Variants in KCNN2 observed in about 807,000 individuals in gnomAD.
KCNN2 encodes small conductance calcium-activated potassium channel protein 2.
Under a neutral mutation model 55.5 loss-of-function variants are expected in KCNN2, and 24 were observed. The ratio of observed to expected loss-of-function variants is 0.43; its 90% CI spans 0.31 to 0.61. KCNN2 has a LOEUF of 0.61. Ranked by LOEUF, KCNN2 falls within the 20% of genes least tolerant of loss-of-function variation. KCNN2 has a pLI of 0.08. For synonymous variants in KCNN2, 431 were observed against 336.1 expected (o/e 1.28, Z -3.09); for missense variants, 754 against 853.6 (o/e 0.88, Z 1.45).
chr5:114,392,709 G>A (rs1232100638), intron 2 of KCNN2, among the ~76,000 whole-genome samples: 1 of 151,920 alleles, frequency 6.6e-6, no homozygotes, highest in Non-Finnish European at 1.5e-5. Flanking sequence ...TCTGTGATGG[G>A]CACCTGTAGT....
At chr5:114,470,976 A>G (rs1761706128) in intron 4 of KCNN2, among the ~76,000 whole-genome samples, 1 of 152,188 alleles carries the variant, frequency 6.6e-6, no homozygotes, top group South Asian at 2.1e-4. Flanking sequence ...AAGGTTAAAA[A>G]CTACCAATTT....
intron 3 of KCNN2, among the ~76,000 whole-genome samples, chr5:114,418,093 C>T (rs1759362191): frequency 6.6e-6 from 1 of 152,030 alleles, no homozygotes; most frequent in Non-Finnish European, 1.5e-5. Context: ...TGAAATTTAA[C>T]CCTACAAAGG....
At chr5:114,455,712 A>G (rs1025766844) in intron 3 of KCNN2, among the ~76,000 whole-genome samples, 2 of 152,264 alleles carry the variant, frequency 1.3e-5, no homozygotes, top group African/African-American at 2.4e-5. Flanking sequence ...GTTGAAGGAA[A>G]TTAAAAGTGC....
At chr5:114,326,551 A>T (rs1018479476) in intron 2 of KCNN2, among the ~76,000 whole-genome samples, 2 of 152,112 alleles carry the variant, frequency 1.3e-5, no homozygotes, top group Non-Finnish European at 2.9e-5. Flanking sequence ...GTGCCTCTAG[A>T]AAACTGCTTC....
chr5:114,072,487 T>G (rs573418412), intron 1 of KCNN2, among the ~76,000 whole-genome samples: 48 of 152,250 alleles, frequency 3.2e-4, no homozygotes, highest in African/African-American at 1.2e-3. Context: ...TATTAGCATA[T>G]AATTAATTTA....
intron 2 of KCNN2, among the ~76,000 whole-genome samples, chr5:114,272,357 C>CACACACATATATGTATGTA (rs1561549029): frequency 3.4e-5 from 1 of 29,410 alleles, no homozygotes; most frequent in Non-Finnish European, 1.2e-4. Flanking sequence ...TATGTACATA[C>CACACACATATATGTATGTA]CATATACACA....
chr5:114,236,889 A>T (rs4705642), intron 2 of KCNN2, among the ~76,000 whole-genome samples: 59,241 of 151,900 alleles, frequency 0.39, 12,127 homozygotes, highest in Middle Eastern at 0.53. Context: ...TTAATTTTTC[A>T]TAGTACTTAG....
intron 1 of KCNN2, among the ~76,000 whole-genome samples, chr5:114,070,682 T>A (rs1750549890): frequency 6.6e-6 from 1 of 152,128 alleles, no homozygotes; most frequent in African/African-American, 2.4e-5. Context: ...GAGACAAAGG[T>A]TTAAGCCCTA....
At chr5:114,442,276 C>T (rs1760246538) in intron 3 of KCNN2, among the ~76,000 whole-genome samples, 1 of 148,812 alleles carries the variant, frequency 6.7e-6, no homozygotes, top group Non-Finnish European at 1.5e-5. Context: ...CATATATTTA[C>T]TGTATATATA....
intron 2 of KCNN2, among the ~76,000 whole-genome samples, chr5:114,295,171 G>C (rs1398179802): frequency 1.3e-5 from 2 of 152,230 alleles, no homozygotes; most frequent in Non-Finnish European, 2.9e-5. Flanking sequence ...TGAGGAGGCA[G>C]TCTGCCCATT....
intron 1 of KCNN2, among the ~76,000 whole-genome samples, chr5:114,147,276 G>T (rs1371758974): frequency 7.1e-6 from 1 of 140,152 alleles, no homozygotes; most frequent in Non-Finnish European, 1.5e-5. Context: ...ATTATCAATA[G>T]TGCCAGTGAA....
intron 2 of KCNN2, among the ~76,000 whole-genome samples, chr5:114,260,353 G>T (rs1580669457): frequency 6.6e-6 from 1 of 152,156 alleles, no homozygotes. Flanking sequence ...TCTTTAAATT[G>T]CTCTATACCT....
intron 1 of KCNN2, among the ~76,000 whole-genome samples, chr5:114,190,416 A>T (rs1308063241): frequency 6.6e-6 from 1 of 152,178 alleles, no homozygotes; most frequent in East Asian, 1.9e-4. Context: ...TACCTGACTC[A>T]GCGTAGATAT....
At chr5:114,095,854 T>C (rs890174771) in intron 1 of KCNN2, among the ~76,000 whole-genome samples, 1 of 152,164 alleles carries the variant, frequency 6.6e-6, no homozygotes, top group Admixed American at 6.5e-5. Context: ...ACCTGCTGTA[T>C]CCTTTGTACA....
chr5:114,490,301 C>T (rs920735749), intron 6 of KCNN2, among the ~76,000 whole-genome samples: 2 of 152,076 alleles, frequency 1.3e-5, no homozygotes, highest in South Asian at 4.1e-4. Flanking sequence ...ATGTACCCCC[C>T]CAAAAAAATT....
intron 1 of KCNN2, among the ~76,000 whole-genome samples, chr5:114,115,260 T>A (rs116839921): frequency 6.6e-6 from 1 of 152,286 alleles, no homozygotes; most frequent in African/African-American, 2.4e-5. Context: ...TTCTAATTTA[T>A]GCAAATAATT....
intron 5 of KCNN2, among the ~76,000 whole-genome samples, chr5:114,483,824 G>A (rs1417359685): frequency 6.6e-6 from 1 of 151,202 alleles, no homozygotes; most frequent in African/African-American, 2.4e-5. Context: ...TTATTTCATA[G>A]GTCTTTTGGC....
intron 2 of KCNN2, among the ~76,000 whole-genome samples, chr5:114,341,495 C>T (rs549197170): frequency 1.6e-4 from 24 of 152,178 alleles, no homozygotes; most frequent in African/African-American, 5.3e-4. Flanking sequence ...GGACAACTTG[C>T]TTAGCATATC....
intron 1 of KCNN2, among the ~76,000 whole-genome samples, chr5:114,093,542 A>T (rs941068027): frequency 3.3e-5 from 5 of 152,272 alleles, no homozygotes; most frequent in African/African-American, 1.2e-4. Flanking sequence ...GCTATAAAAA[A>T]CTGCCCAAGT....
Sources: gnomAD v4.1 joint callset for allele counts (sites outside exome capture counted in the v4.1 genomes callset) on GRCh38, gnomAD v4.1.1 for gene constraint, MANE v1.5 for transcripts, NCBI Gene and HGNC (gene_info 2026-07-23, HGNC 2026-07-21) for gene names.